Variants in PGM5 observed in about 807,000 individuals in gnomAD.
PGM5 encodes phosphoglucomutase-like protein 5.
PGM5 carries 23 observed loss-of-function variants against 59.2 expected under a neutral mutation model. The observed-to-expected ratio is 0.39, with a 90% CI of 0.28 to 0.55. The LOEUF (loss-of-function observed/expected upper bound fraction) is 0.55, where lower values mean the gene tolerates loss of function less well. Ranked by LOEUF, PGM5 falls within the 20% of genes least tolerant of loss-of-function variation. The pLI is 0.66. For synonymous variants in PGM5, 214 were observed against 286.0 expected, an observed-to-expected ratio of 0.75 and a Z score of 2.54; for missense variants, 574 against 748.3, an observed-to-expected ratio of 0.77 and a Z score of 2.72.
In PGM5 at chr9:68,357,398, C is replaced by A. The variant is rs782629119; in HGVS notation, c.261+10C>A. The A allele has an allele frequency of 3.2e-6, 5 of 1,555,708 alleles. No homozygotes were observed. In the South Asian group the frequency reaches 5.9e-5, roughly 18 times the overall value. On this transcript the variant is annotated intron_variant, in intron 1 of 10. Coordinates refer to ENST00000396396, the MANE Select transcript of PGM5 (RefSeq NM_021965.4). ...GGCCGCGGCCAACGGGGTGAGTGTC[C>A]GGATGCCCCTCGCTTCCCGCCGCGC... is the stretch of plus-strand genomic sequence containing the variant.
At chr9:68,498,640 C>G (rs1215505665) in intron 9 of PGM5, 1 of 152,496 alleles carries the variant, frequency 6.6e-6, no homozygotes, top group Non-Finnish European at 1.5e-5. Context: ...ATAATTGAGA[C>G]TTGTCATTTT....
chr9:68,478,704 C>A (rs1824143883), intron 7 of PGM5, among the ~76,000 whole-genome samples: 2 of 152,154 alleles, frequency 1.3e-5, no homozygotes, highest in Admixed American at 1.3e-4. Flanking sequence ...CATAGCTTGC[C>A]CCTCTGTATT....
At chr9:68,492,688 C>T (rs1291307104) in intron 9 of PGM5, among the ~76,000 whole-genome samples, 2 of 152,214 alleles carry the variant, frequency 1.3e-5, no homozygotes, top group Non-Finnish European at 2.9e-5. Context: ...TTAACTCACA[C>T]AAAAGCACCA....
At chr9:68,441,545 G>C (rs1329307714) in intron 6 of PGM5, among the ~76,000 whole-genome samples, 1 of 152,060 alleles carries the variant, frequency 6.6e-6, no homozygotes, top group Non-Finnish European at 1.5e-5. Context: ...TGAGGCACAA[G>C]ATCATTTGAC....
At chr9:68,412,498 G>A (rs1468649167) in intron 6 of PGM5, among the ~76,000 whole-genome samples, 9 of 152,132 alleles carry the variant, frequency 5.9e-5, no homozygotes, top group South Asian at 2.1e-4. Flanking sequence ...AAGCACTGTC[G>A]AACAGTTGTC....
At chr9:68,489,905 T>C (rs1824361581) in intron 9 of PGM5, among the ~76,000 whole-genome samples, 1 of 146,126 alleles carries the variant, frequency 6.8e-6, no homozygotes, top group Admixed American at 6.9e-5. Flanking sequence ...CTGAGCTGAT[T>C]AATACCTCTT....
chr9:68,379,692 C>T (rs1376898425), intron 2 of PGM5, among the ~76,000 whole-genome samples: 1 of 151,968 alleles, frequency 6.6e-6, no homozygotes, highest in Non-Finnish European at 1.5e-5. Context: ...CAACTAGATG[C>T]TGCCTACAAG....
chr9:68,410,009 T>G (rs1431225693), intron 6 of PGM5, among the ~76,000 whole-genome samples: 3 of 152,226 alleles, frequency 2.0e-5, no homozygotes, highest in African/African-American at 7.2e-5. Context: ...GTGGCTGTTC[T>G]GCAAAGAGCC....
intron 1 of PGM5, among the ~76,000 whole-genome samples, chr9:68,358,207 T>G (rs1199161393): frequency 1.3e-5 from 2 of 152,244 alleles, no homozygotes; most frequent in African/African-American, 4.8e-5. Context: ...TTTTGGCATT[T>G]GACAACATTT....
rs1320053549 is a variant in PGM5, at chr9:68,437,773, T to C, written c.1044-27320T>C. ...GGGATATTTCATATAAAAATCCAAG[T>C]TGTTGTGGTATTATTGAAAAATTGC... is the stretch of plus-strand genomic sequence containing the variant. On this transcript the variant is annotated intron_variant, in intron 6 of 10. Transcript: ENST00000396396. The surrounding 1 kb of genome is among the most constrained non-coding windows in gnomAD (Gnocchi z 4.1). 1.3e-5 allele frequency among the ~76,000 whole-genome samples: 2 copies of C among 152,166 alleles called. No individual in the cohort carries two copies. Among genetic ancestry groups the C allele is most frequent in the Admixed American group, 6.5e-5 (1 of 15,278 alleles).
chr9:68,451,918 C>T (rs1369802958), intron 6 of PGM5, among the ~76,000 whole-genome samples: 6 of 152,352 alleles, frequency 3.9e-5, no homozygotes, highest in South Asian at 2.1e-4. Flanking sequence ...ATTATGACAG[C>T]GCTTCAGCAG....
chr9:68,455,505 T>TAA (rs36071391), intron 6 of PGM5, among the ~76,000 whole-genome samples: 14,381 of 140,406 alleles, frequency 0.1, 1,253 homozygotes, highest in East Asian at 0.37. Flanking sequence ...ATCTCTTAGT[T>TAA]AAAAAAAAAA....
chr9:68,406,678 GTATATATATATATATA>G (rs782034091), intron 6 of PGM5, among the ~76,000 whole-genome samples: 3 of 23,600 alleles, frequency 1.3e-4, no homozygotes, highest in Admixed American at 6.7e-4. Flanking sequence ...ATATATATAT[GTATATATATATATATA>G]TATATATATA....
intron 6 of PGM5, among the ~76,000 whole-genome samples, chr9:68,423,210 A>G (rs1823172099): frequency 6.6e-6 from 1 of 151,718 alleles, no homozygotes; most frequent in Non-Finnish European, 1.5e-5. Context: ...TTTTTCGTAT[A>G]ATGACTTCTT....
chr9:68,452,347 G>A (rs1554684402), intron 6 of PGM5, among the ~76,000 whole-genome samples: 2 of 152,150 alleles, frequency 1.3e-5, no homozygotes, highest in African/African-American at 2.4e-5. Context: ...GCCCCTACAC[G>A]GAATGGAACC....
At chr9:68,419,777 C>A (rs1468645991) in intron 6 of PGM5, among the ~76,000 whole-genome samples, 1 of 152,162 alleles carries the variant, frequency 6.6e-6, no homozygotes, top group African/African-American at 2.4e-5. Context: ...ACATCTAGGG[C>A]AGGATTTGTG....
intron 6 of PGM5, among the ~76,000 whole-genome samples, chr9:68,441,295 A>T (rs1338526640): frequency 6.6e-6 from 1 of 152,154 alleles, no homozygotes; most frequent in African/African-American, 2.4e-5. Flanking sequence ...GGCTAGCATT[A>T]CCTGACACTA....
At chr9:68,522,883 A>T (rs1461187044) in intron 10 of PGM5, among the ~76,000 whole-genome samples, 1 of 151,904 alleles carries the variant, frequency 6.6e-6, no homozygotes, top group Non-Finnish European at 1.5e-5. Context: ...GCTCTCTTTA[A>T]TTCTTCTCCT....
At chr9:68,409,552 A>G (rs1314277854) in intron 6 of PGM5, among the ~76,000 whole-genome samples, 3 of 147,186 alleles carry the variant, frequency 2.0e-5, no homozygotes, top group African/African-American at 7.5e-5. Context: ...GCCATAAAAA[A>G]TGATGAGTTC....
Sources: gnomAD v4.1 joint callset for allele counts (sites outside exome capture counted in the v4.1 genomes callset) on GRCh38, gnomAD v4.1.1 for gene constraint, Gnocchi (gnomAD v3.1) non-coding constraint, MANE v1.5 for transcripts, NCBI Gene and HGNC (gene_info 2026-07-23, HGNC 2026-07-21) for gene names.